PKP4: variants seen among roughly 807,000 people sequenced by gnomAD.
PKP4 encodes the protein plakophilin-4.
PKP4 carries 90 observed loss-of-function variants against 145.1 expected under a neutral mutation model. The ratio of observed to expected loss-of-function variants is 0.62; its 90% CI spans 0.52 to 0.74. The LOEUF (loss-of-function observed/expected upper bound fraction) is 0.74, where lower values mean the gene tolerates loss of function less well. PKP4 is among the 30% of genes least tolerant of loss of function. The pLI, the probability that PKP4 is intolerant of heterozygous loss-of-function variation, is 0.00. For missense variants in PKP4, 1,340 were observed against 1,482.7 expected, an observed-to-expected ratio of 0.90 and a Z score of 1.58; for synonymous variants, 563 against 577.2, an observed-to-expected ratio of 0.98 and a Z score of 0.35.
At chr2:158,613,163 T>G (rs1323245335) in intron 4 of PKP4, among the ~76,000 whole-genome samples, 1 of 152,152 alleles carries the variant, frequency 6.6e-6, no homozygotes, top group Non-Finnish European at 1.5e-5. Flanking sequence ...AAGTCTGAGT[T>G]GGGAACCAGG....
intron 3 of PKP4, among the ~76,000 whole-genome samples, chr2:158,581,573 A>T (rs982197420): frequency 6.6e-6 from 1 of 152,236 alleles, no homozygotes; most frequent in Non-Finnish European, 1.5e-5. Context: ...TACCTGTTTA[A>T]TGACGCTTAT....
intron 1 of PKP4, among the ~76,000 whole-genome samples, chr2:158,484,032 CTTTT>C (rs11289096): frequency 1.4e-4 from 13 of 95,918 alleles, no homozygotes; most frequent in Middle Eastern, 5.4e-3. Context: ...TTTTCTTTTT[CTTTT>C]TTTTTTTTTT....
intron 2 of PKP4, among the ~76,000 whole-genome samples, chr2:158,576,927 C>T (rs2047906753): frequency 6.6e-6 from 1 of 152,070 alleles, no homozygotes; most frequent in Non-Finnish European, 1.5e-5. Context: ...TGCTGTGTCT[C>T]TGATGTAGAT....
intron 1 of PKP4, among the ~76,000 whole-genome samples, chr2:158,521,253 G>C (rs1235699914): frequency 6.6e-6 from 1 of 152,112 alleles, no homozygotes; most frequent in Non-Finnish European, 1.5e-5. Context: ...ATACTGTTTT[G>C]CCATTCTGGT....
At chr2:158,484,074 G>C (rs998761657) in intron 1 of PKP4, among the ~76,000 whole-genome samples, 1 of 131,370 alleles carries the variant, frequency 7.6e-6, no homozygotes, top group Non-Finnish European at 1.5e-5. Flanking sequence ...TCGCTCTGTC[G>C]CCCAGGCCGG....
chr2:158,481,975 T>G (rs748180552), intron 1 of PKP4, among the ~76,000 whole-genome samples: 11 of 152,250 alleles, frequency 7.2e-5, no homozygotes, highest in Non-Finnish European at 1.0e-4. Flanking sequence ...TAGTGATATT[T>G]TACTGTATTC....
At chr2:158,494,490 A>G (rs968301269) in intron 1 of PKP4, among the ~76,000 whole-genome samples, 6 of 152,210 alleles carry the variant, frequency 3.9e-5, no homozygotes, top group Admixed American at 1.3e-4. Flanking sequence ...ACCATTAAGG[A>G]TGATTTGTTT....
intron 3 of PKP4, among the ~76,000 whole-genome samples, chr2:158,595,274 C>G (rs1020228933): frequency 6.6e-6 from 1 of 152,044 alleles, no homozygotes; most frequent in Non-Finnish European, 1.5e-5. Context: ...ATTAGAGAAC[C>G]CTCTATTCCA....
intron 1 of PKP4, among the ~76,000 whole-genome samples, chr2:158,499,664 G>A (rs761914144): frequency 1.3e-5 from 2 of 152,118 alleles, no homozygotes; most frequent in Admixed American, 6.6e-5. Flanking sequence ...AAAGCACAGT[G>A]GCCTTGCTTC....
chr2:158,503,306 C>G (rs867496155), intron 1 of PKP4, among the ~76,000 whole-genome samples: 1 of 152,192 alleles, frequency 6.6e-6, no homozygotes, highest in Non-Finnish European at 1.5e-5. Context: ...CTGGCTCTAA[C>G]GCTTCAGTGC....
intron 1 of PKP4, among the ~76,000 whole-genome samples, chr2:158,488,568 T>TA (rs748811780): frequency 3.3e-5 from 5 of 152,204 alleles, no homozygotes; most frequent in Non-Finnish European, 4.4e-5. Context: ...CTGTCTCACT[T>TA]ACATGCAGAT....
chr2:158,640,862 C>T (rs1014908645), intron 10 of PKP4, 103 bp downstream of exon 10: 5 of 1,246,264 alleles, frequency 4.0e-6, no homozygotes, highest in Non-Finnish European at 5.8e-6. Flanking sequence ...ATTCAAGAGT[C>T]TTTTTAAAGG....
chr2:158,482,639 C>T (rs1310058329), intron 1 of PKP4, among the ~76,000 whole-genome samples: 1 of 152,020 alleles, frequency 6.6e-6, no homozygotes, highest in Non-Finnish European at 1.5e-5. Context: ...AATTTAACAC[C>T]AGTCTGGGCA....
intron 2 of PKP4, among the ~76,000 whole-genome samples, chr2:158,543,204 C>T (rs1215253878): frequency 3.3e-5 from 5 of 152,032 alleles, no homozygotes; most frequent in Non-Finnish European, 7.4e-5. Context: ...ACGTACAAAT[C>T]GAGCATCTCT....
chr2:158,468,417 G>A (rs930490586), intron 1 of PKP4, among the ~76,000 whole-genome samples: 3 of 152,044 alleles, frequency 2.0e-5, no homozygotes, highest in Non-Finnish European at 4.4e-5. Context: ...TCATGAAGTT[G>A]CTTTGTAGCT....
chr2:158,489,209 T>G (rs1274112843), intron 1 of PKP4, among the ~76,000 whole-genome samples: 1 of 152,222 alleles, frequency 6.6e-6, no homozygotes, highest in African/African-American at 2.4e-5. Flanking sequence ...ATATAACATC[T>G]AAAATCTTTT....
At chr2:158,561,840 C>T (rs1044193381) in intron 2 of PKP4, among the ~76,000 whole-genome samples, 1 of 149,716 alleles carries the variant, frequency 6.7e-6, no homozygotes, top group Non-Finnish European at 1.5e-5. Flanking sequence ...GCACAACATG[C>T]TGGTTTGTTA....
intron 1 of PKP4, among the ~76,000 whole-genome samples, chr2:158,498,898 T>C (rs912999321): frequency 3.3e-5 from 5 of 151,786 alleles, no homozygotes; most frequent in South Asian, 2.1e-4. Flanking sequence ...CACAGCTTTC[T>C]GCAGCACAGC....
Position 158,661,379 on chromosome 2 carries a change from T to C in PKP4, c.2140T>C (p.Cys714Arg), listed in dbSNP as rs878927863. 1.2e-6 allele frequency: 2 copies of C among 1,613,950 alleles called. No homozygotes were observed. The highest frequency in any genetic ancestry group is 1.7e-6 in the Non-Finnish European group (2 of 1,179,860). The change falls in exon 13 of 22, where the codon TGC (cysteine) becomes CGC (arginine). Residue 714 changes from cysteine to arginine, a missense_variant. Physicochemically the swap from Cys to Arg is radical, Grantham distance 180 (BLOSUM62 -3). Coordinates refer to ENST00000389759, the MANE Select transcript of PKP4 (RefSeq NM_003628.6). ...AGAAGCTCGGAAGCAAATGCGGTCCTGCGAGGGGCTGGTAGACTCACTGTT... is the reference window on the plus strand; with the variant it reads ...AGAAGCTCGGAAGCAAATGCGGTCCCGCGAGGGGCTGGTAGACTCACTGTT... Reference protein sequence around the residue: ...GEEARKQMRSCEGLVDSLLYV... With the variant: ...GEEARKQMRSREGLVDSLLYV...
Sources: gnomAD v4.1 joint callset for allele counts (sites outside exome capture counted in the v4.1 genomes callset) on GRCh38, gnomAD v4.1.1 for gene constraint, MANE v1.5 for transcripts, NCBI Gene and HGNC (gene_info 2026-07-23, HGNC 2026-07-21) for gene names.